Variants in PDE8B observed in about 807,000 individuals in gnomAD.
The protein encoded by PDE8B is phosphodiesterase 8B.
Under a neutral mutation model 101.3 loss-of-function variants are expected in PDE8B, and 26 were observed. That is an observed-to-expected ratio of 0.26 (90% CI 0.19 to 0.36). PDE8B has a LOEUF of 0.36. Ranked by LOEUF, PDE8B falls within the 10% of genes least tolerant of loss-of-function variation. The pLI is 1.00. For synonymous variants in PDE8B, 424 were observed against 429.3 expected, an observed-to-expected ratio of 0.99 and a Z score of 0.15; for missense variants, 810 against 1,163.1, an observed-to-expected ratio of 0.70 and a Z score of 4.42.
Position 77,351,152 on chromosome 5 carries a change from G to A in PDE8B, c.1105G>A (p.Gly369Arg). Reference sequence around the variant, plus strand: ...GATCACCCCAGTGATTGGCCAAGGAGGGTGAGAGCAAACTGTTCAACTCTT... The same window carrying A: ...GATCACCCCAGTGATTGGCCAAGGAAGGTGAGAGCAAACTGTTCAACTCTT... ...VKITPVIGQG[G>R]KIRHFVSLKK... The change falls in exon 9 of 22, where the codon GGG becomes AGG. Residue 369 changes from glycine (G) to arginine (R), a missense_variant and splice_region_variant. Coordinates refer to ENST00000264917, the MANE Select transcript of PDE8B (RefSeq NM_003719.5). 6.2e-7 allele frequency: 1 copy of A among 1,610,184 alleles called. No individual in the cohort carries two copies. Among genetic ancestry groups the A allele is most frequent in the Non-Finnish European group, 8.5e-7 (1 of 1,176,392 alleles).
the PDE8B span, chr5:77,106,211 T>C: frequency 6.6e-6 from 1 of 152,264 alleles, no homozygotes; most frequent in South Asian, 2.1e-4. Flanking sequence ...AGTTTGTTGG[T>C]CTTATGCTCT....
intron 2 of PDE8B, among the ~76,000 whole-genome samples, chr5:77,314,572 A>C (rs771101749): frequency 2.6e-5 from 4 of 152,114 alleles, no homozygotes; most frequent in Non-Finnish European, 5.9e-5. Context: ...AAGCTTGCTG[A>C]ACTCATGTAT....
intron 6 of PDE8B, among the ~76,000 whole-genome samples, chr5:77,341,136 T>C (rs1779142751): frequency 6.6e-6 from 1 of 152,192 alleles, no homozygotes; most frequent in African/African-American, 2.4e-5. Flanking sequence ...GCAATTAAGT[T>C]CTAAAACTCT....
intron 10 of PDE8B, among the ~76,000 whole-genome samples, chr5:77,376,952 A>G (rs1786254295): frequency 6.6e-6 from 1 of 152,188 alleles, no homozygotes; most frequent in African/African-American, 2.4e-5. Context: ...TCTAGGAGGC[A>G]TGTGGGTTTA....
chr5:77,103,959 AT>A, the PDE8B span, among the ~76,000 whole-genome samples: 50 of 152,356 alleles, frequency 3.3e-4, no homozygotes, highest in Middle Eastern at 3.4e-3. Context: ...AATAAAAAAA[AT>A]AAATGCTTGT....
intron 1 of PDE8B, among the ~76,000 whole-genome samples, chr5:77,214,485 A>T (rs991564333): frequency 2.0e-5 from 3 of 152,206 alleles, no homozygotes; most frequent in African/African-American, 7.2e-5. Flanking sequence ...GAAATTTGGT[A>T]AGCAAAGCCT....
intron 10 of PDE8B, among the ~76,000 whole-genome samples, chr5:77,397,609 C>A (rs1198499583): frequency 6.6e-6 from 1 of 152,094 alleles, no homozygotes; most frequent in Non-Finnish European, 1.5e-5. Flanking sequence ...AACAAGATTG[C>A]CAGGAAAAAT....
At chr5:77,120,751 G>A in the PDE8B span, among the ~76,000 whole-genome samples, 3 of 152,224 alleles carry the variant, frequency 2.0e-5, no homozygotes, top group African/African-American at 7.2e-5. Context: ...TGTTGTACAA[G>A]CCTGTCAGGA....
the PDE8B span, among the ~76,000 whole-genome samples, chr5:77,200,627 C>T: frequency 2.0e-5 from 3 of 152,148 alleles, no homozygotes; most frequent in South Asian, 2.1e-4. Flanking sequence ...TATCTTACTA[C>T]GTGTACAGAA....
At chr5:77,104,569 A>C in the PDE8B span, 17 of 152,190 alleles carry the variant, frequency 1.1e-4, no homozygotes, top group Non-Finnish European at 1.9e-4. Context: ...AAAAGGTGCC[A>C]TCTTGGAAGC....
chr5:77,373,404 A>G (rs1026231295), intron 10 of PDE8B, among the ~76,000 whole-genome samples: 1 of 152,190 alleles, frequency 6.6e-6, no homozygotes, highest in African/African-American at 2.4e-5. Context: ...TTGTATGTAC[A>G]CACCCATGAA....
chr5:77,154,428 T>TGAATGAATGGC, the PDE8B span, among the ~76,000 whole-genome samples: 1 of 152,244 alleles, frequency 6.6e-6, no homozygotes, highest in Non-Finnish European at 1.5e-5. Context: ...ATTTGTTGCA[T>TGAATGAATGGC]GAATGAATGG....
intron 1 of PDE8B, among the ~76,000 whole-genome samples, chr5:77,263,875 AT>A (rs1210019240): frequency 3.3e-5 from 5 of 152,186 alleles, no homozygotes; most frequent in African/African-American, 9.7e-5. Context: ...ACCATAATCA[AT>A]TTTAGAACAT....
chr5:77,098,120 G>A, the PDE8B span, among the ~76,000 whole-genome samples: 2 of 151,956 alleles, frequency 1.3e-5, no homozygotes, highest in African/African-American at 2.4e-5. Flanking sequence ...TGGAAGAAAC[G>A]TATGTCAAAA....
intron 12 of PDE8B, among the ~76,000 whole-genome samples, chr5:77,406,176 T>A (rs1036507628): frequency 5.3e-5 from 8 of 152,096 alleles, no homozygotes; most frequent in Non-Finnish European, 8.8e-5. Flanking sequence ...TCCCAGCTAC[T>A]CAGGAGGCTG....
In PDE8B at chr5:77,341,906, G is replaced by C. The variant is rs1470824935; in HGVS notation, c.798-2947G>C. On this transcript the variant is annotated intron_variant, in intron 6 of 21. Transcript: ENST00000264917. ...AATTTAAATAAGAAAATATACTACTGCGCCTGTAAGCCATTTCAGTTGAGT... is the reference window on the plus strand; with the variant it reads ...AATTTAAATAAGAAAATATACTACTCCGCCTGTAAGCCATTTCAGTTGAGT... 4.6e-5 allele frequency among the ~76,000 whole-genome samples: 7 copies of C among 152,274 alleles called. No individual in the cohort carries two copies. The East Asian group carries it at 1.4e-3, about 29-fold the overall frequency.
chr5:77,233,207 TCTC>T (rs2149495505), intron 1 of PDE8B, among the ~76,000 whole-genome samples: 1 of 152,124 alleles, frequency 6.6e-6, no homozygotes, highest in African/African-American at 2.4e-5. Flanking sequence ...TAGTTGTACT[TCTC>T]CTTTATGACC....
chr5:77,253,549 A>G (rs1016110504), intron 1 of PDE8B, among the ~76,000 whole-genome samples: 3 of 152,190 alleles, frequency 2.0e-5, no homozygotes, highest in African/African-American at 4.8e-5. Flanking sequence ...GACTGCGCCT[A>G]TAGATTTATT....
chr5:77,408,477 G>A (rs976972394), intron 13 of PDE8B, among the ~76,000 whole-genome samples: 2 of 152,198 alleles, frequency 1.3e-5, no homozygotes, highest in African/African-American at 4.8e-5. Context: ...TGTCAGGTAG[G>A]GAATTGAATG....
Sources: gnomAD v4.1 joint callset for allele counts (sites outside exome capture counted in the v4.1 genomes callset) on GRCh38, gnomAD v4.1.1 for gene constraint, MANE v1.5 for transcripts, NCBI Gene and HGNC (gene_info 2026-07-23, HGNC 2026-07-21) for gene names.